TSPAN14: variants seen among roughly 807,000 people sequenced by gnomAD.
The protein encoded by TSPAN14 is tetraspanin-14.
In TSPAN14, 16 loss-of-function variants were observed where a neutral mutation model predicts 36.6. The ratio of observed to expected loss-of-function variants is 0.44; its 90% CI spans 0.30 to 0.66. TSPAN14 has a LOEUF of 0.66. Ranked by LOEUF, TSPAN14 falls within the 30% of genes least tolerant of loss-of-function variation. The pLI is 0.12. For missense variants in TSPAN14, 231 were observed against 355.1 expected (o/e 0.65, Z 2.81); for synonymous variants, 139 against 143.8 (o/e 0.97, Z 0.24).
At chr10:80,490,776 G>A (rs535751450) in intron 2 of TSPAN14, among the ~76,000 whole-genome samples, 1 of 152,332 alleles carries the variant, frequency 6.6e-6, no homozygotes, top group South Asian at 2.1e-4. Flanking sequence ...AGATGGTCAA[G>A]GGATTAAGGG....
At chr10:80,513,903 G>A in intron 6 of TSPAN14, 116 bp from the exon 7 acceptor site, 1 of 836,204 alleles carries the variant, frequency 1.2e-6, no homozygotes, top group Non-Finnish European at 2.0e-6. Context: ...AAGGACATGA[G>A]CTGTAATGGA....
intron 1 of TSPAN14, among the ~76,000 whole-genome samples, chr10:80,474,874 T>C (rs570216670): frequency 2.6e-5 from 4 of 152,088 alleles, no homozygotes; most frequent in African/African-American, 7.2e-5. Flanking sequence ...TATTAGTATA[T>C]AAAAAATGAG....
intron 1 of TSPAN14, chr10:80,459,630 C>G (rs1413864819): frequency 2.6e-5 from 4 of 152,916 alleles, no homozygotes; most frequent in Non-Finnish European, 4.4e-5. Context: ...TGAACCTTCT[C>G]TGGGTTTTTC....
At chr10:80,494,923 C>A (rs1363860189) in intron 2 of TSPAN14, among the ~76,000 whole-genome samples, 1 of 152,292 alleles carries the variant, frequency 6.6e-6, no homozygotes, top group African/African-American at 2.4e-5. Context: ...CTCTTCCATG[C>A]CCCAGCGTCC....
At chr10:80,455,868 C>T (rs140995383) in intron 1 of TSPAN14, among the ~76,000 whole-genome samples, 154 of 152,232 alleles carry the variant, frequency 1.0e-3, no homozygotes, top group African/African-American at 3.2e-3. Context: ...TGTGAGCCAC[C>T]ACGCGCAGTC....
intron 7 of TSPAN14, among the ~76,000 whole-genome samples, chr10:80,514,976 G>A (rs911402482): frequency 3.9e-5 from 6 of 152,112 alleles, no homozygotes; most frequent in Admixed American, 6.5e-5. Flanking sequence ...GCCCTCATCC[G>A]ACACTGAATT....
intron 1 of TSPAN14, among the ~76,000 whole-genome samples, chr10:80,472,896 A>G (rs1042959340): frequency 6.6e-6 from 1 of 152,234 alleles, no homozygotes; most frequent in African/African-American, 2.4e-5. Flanking sequence ...TTCCAAGTCT[A>G]TCACAGTTCT....
At chr10:80,505,240 G>A (rs1840220750) in intron 3 of TSPAN14, among the ~76,000 whole-genome samples, 1 of 152,216 alleles carries the variant, frequency 6.6e-6, no homozygotes, top group Admixed American at 6.5e-5. Flanking sequence ...GCACCTCTGG[G>A]CCTCCTTGCC....
rs1847785092 is a variant in TSPAN14, at chr10:80,489,100, A to G, written c.-17-117A>G. On this transcript the variant is annotated intron_variant, in intron 1 of 8. Coordinates refer to ENST00000429989, the Ensembl canonical transcript of TSPAN14. Reference sequence around the variant, plus strand: ...TTGGTATCAGGCCTCTGCTTGGACCAGTAAAGGGTCATGAGGGAAATGATC... The same window carrying G: ...TTGGTATCAGGCCTCTGCTTGGACCGGTAAAGGGTCATGAGGGAAATGATC... 1.0e-5 allele frequency: 7 copies of G among 675,532 alleles called. No homozygotes were observed. In the South Asian group the frequency reaches 1.2e-4, roughly 12 times the overall value. 41.8% of individuals were successfully genotyped at this position (675,532 alleles called of 1,614,324 possible).
chr10:80,476,409 GTTTTTTTTTT>G (rs60589813), intron 1 of TSPAN14, among the ~76,000 whole-genome samples: 1 of 85,046 alleles, frequency 1.2e-5, no homozygotes, highest in Admixed American at 1.6e-4. Flanking sequence ...TTGTTTTACT[GTTTTTTTTTT>G]TTTTTTTTTT....
chr10:80,485,723 C>T (rs902076522), intron 1 of TSPAN14: 35 of 983,760 alleles, frequency 3.6e-5, no homozygotes, highest in Admixed American at 1.8e-4. Context: ...CTCCCTGTCC[C>T]GAGGTTAGGT....
chr10:80,458,510 T>A (rs979383077), intron 1 of TSPAN14, among the ~76,000 whole-genome samples: 1 of 152,124 alleles, frequency 6.6e-6, no homozygotes, highest in African/African-American at 2.4e-5. Flanking sequence ...TGCTTAGGCA[T>A]ATTTCCACCT....
At chr10:80,474,347 A>T (rs1564716391) in intron 1 of TSPAN14, among the ~76,000 whole-genome samples, 1 of 150,820 alleles carries the variant, frequency 6.6e-6, no homozygotes, top group Non-Finnish European at 1.5e-5. Flanking sequence ...TTGGGTCCTT[A>T]GGAAAAAGAG....
At chr10:80,492,678 T>TG (rs1271609466) in intron 2 of TSPAN14, among the ~76,000 whole-genome samples, 1 of 152,024 alleles carries the variant, frequency 6.6e-6, no homozygotes, top group Non-Finnish European at 1.5e-5. Context: ...TAGCCGGGCG[T>TG]GGTGGTGGGC....
intron 1 of TSPAN14, among the ~76,000 whole-genome samples, chr10:80,480,928 A>G (rs1029314782): frequency 6.6e-6 from 1 of 152,136 alleles, no homozygotes; most frequent in African/African-American, 2.4e-5. Flanking sequence ...CTTAAAGTAT[A>G]ATAATAATAA....
rs546217301 is a variant in TSPAN14, at chr10:80,455,871, G to A, written c.-18+1500G>A. On this transcript the variant is annotated intron_variant, in intron 1 of 8. Transcript: ENST00000429989. ...AGGGATTACAGGTGTGAGCCACCAC[G>A]CGCAGTCTGATCCCACTCCGATCCC... Among the ~76,000 whole-genome samples, 45 of 152,204 alleles carry A rather than the reference G, an allele frequency of 3.0e-4. No individual in the cohort carries two copies. In the South Asian group the frequency reaches 8.1e-3, roughly 27 times the overall value.
chr10:80,500,136 T>C (rs1305120749), intron 2 of TSPAN14, among the ~76,000 whole-genome samples: 2 of 152,004 alleles, frequency 1.3e-5, no homozygotes, highest in Non-Finnish European at 2.9e-5. Context: ...CCCTGTCTAG[T>C]CCTCCCTCAA....
intron 2 of TSPAN14, among the ~76,000 whole-genome samples, chr10:80,493,017 T>A (rs1848005683): frequency 6.6e-6 from 1 of 152,166 alleles, no homozygotes; most frequent in African/African-American, 2.4e-5. Context: ...AGAATGAGAA[T>A]GGAATGGGCT....
chr10:80,503,050 T>C (rs1435934547), intron 2 of TSPAN14, among the ~76,000 whole-genome samples: 1 of 151,866 alleles, frequency 6.6e-6, no homozygotes, highest in Non-Finnish European at 1.5e-5. Flanking sequence ...TCAGATACCA[T>C]GAGGAAAAGT....
Sources: allele counts gnomAD v4.1 joint callset (sites outside exome capture counted in the v4.1 genomes callset), GRCh38; gene constraint gnomAD v4.1.1; transcripts MANE v1.5; gene names NCBI Gene and HGNC (gene_info 2026-07-23, HGNC 2026-07-21).